The following MINDY3 variants were observed in gnomAD, a reference collection of about 807,000 sequenced individuals.
MINDY3 encodes MINDY lysine 48 deubiquitinase 3.
In MINDY3, 38 loss-of-function variants were observed where a neutral mutation model predicts 69.2. The observed-to-expected ratio is 0.55, with a 90% CI of 0.42 to 0.72. The LOEUF is 0.72. MINDY3 is among the 30% of genes least tolerant of loss of function. The pLI, the probability that MINDY3 is intolerant of heterozygous loss-of-function variation, is 0.00. For missense variants in MINDY3, 522 were observed against 519.0 expected, an observed-to-expected ratio of 1.01 and a Z score of -0.06; for synonymous variants, 192 against 180.1, an observed-to-expected ratio of 1.07 and a Z score of -0.53.
intron 2 of MINDY3, among the ~76,000 whole-genome samples, chr10:15,845,260 T>C (rs1833747078): frequency 6.6e-6 from 1 of 152,224 alleles, no homozygotes; most frequent in South Asian, 2.1e-4. Flanking sequence ...AGTTCCTTCT[T>C]TATTCCTGGT....
chr10:15,818,409 A>G (rs1214718557), intron 9 of MINDY3, among the ~76,000 whole-genome samples: 1 of 152,162 alleles, frequency 6.6e-6, no homozygotes, highest in African/African-American at 2.4e-5. Context: ...AATATATTGA[A>G]TGCATAAATA....
chr10:15,813,879 A>T (rs1194227410), intron 10 of MINDY3, among the ~76,000 whole-genome samples: 2 of 147,470 alleles, frequency 1.4e-5, no homozygotes, highest in Non-Finnish European at 2.9e-5. Context: ...TCAGTTTTAT[A>T]AAAAAAGACA....
At chr10:15,857,086 T>C (rs888789076) in intron 1 of MINDY3, among the ~76,000 whole-genome samples, 8 of 152,226 alleles carry the variant, frequency 5.3e-5, no homozygotes, top group African/African-American at 1.9e-4. Flanking sequence ...TCTAATGGCC[T>C]AGAAAGCTTT....
At chr10:15,845,872 G>C (rs1564525619) in intron 2 of MINDY3, among the ~76,000 whole-genome samples, 1 of 126,112 alleles carries the variant, frequency 7.9e-6, no homozygotes, top group Non-Finnish European at 1.6e-5. Flanking sequence ...ACCCGAGCTA[G>C]AGTGCAGTGG....
intron 10 of MINDY3, among the ~76,000 whole-genome samples, chr10:15,813,603 A>G (rs1007951393): frequency 2.0e-5 from 3 of 152,102 alleles, no homozygotes; most frequent in African/African-American, 4.8e-5. Flanking sequence ...TTTGCTCACC[A>G]CTGTATTCAC....
chr10:15,822,923 T>A (rs562800330), intron 8 of MINDY3, among the ~76,000 whole-genome samples: 1 of 152,204 alleles, frequency 6.6e-6, no homozygotes, highest in Admixed American at 6.5e-5. Flanking sequence ...ATAATATATC[T>A]AAAAAGCATT....
chr10:15,814,106 T>A (rs1421445844), intron 10 of MINDY3, among the ~76,000 whole-genome samples: 1 of 152,076 alleles, frequency 6.6e-6, no homozygotes, highest in African/African-American at 2.4e-5. Flanking sequence ...AGAGCGAAAT[T>A]TCCAGTATTT....
In MINDY3 at chr10:15,821,823, A is replaced by G. The variant is rs1280857607; in HGVS notation, c.731-97T>C. On this transcript the variant is annotated intron_variant, in intron 8 of 14. Transcript: ENST00000277632. The stretch of plus-strand genomic sequence containing the variant: ...ACTTATATGTATATATATTTATACT[A>G]CACCAAAACTTTTAACTTTTACCCA... 3.0e-5 allele frequency: 27 copies of G among 913,508 alleles called. No individual in the cohort carries two copies. The South Asian group carries it at 3.5e-4, about 12-fold the overall frequency. The allele number at this position is 913,508 out of a possible 1,614,324, so 56.6% of individuals were successfully genotyped here. A position where few individuals can be genotyped will look rare whatever the true frequency, so the allele number is the denominator to read the frequency against.
chr10:15,816,282 G>GAAAAAAAAAAAAAAAAAAAAAAA (rs1421619763), intron 10 of MINDY3, among the ~76,000 whole-genome samples: 5 of 108,492 alleles, frequency 4.6e-5, no homozygotes, highest in African/African-American at 1.9e-4. Flanking sequence ...AAAAAAAAAT[G>GAAAAAAAAAAAAAAAAAAAAAAA]AAAAAGAAAA....
chr10:15,792,089 C>T (rs1837465487), intron 11 of MINDY3, among the ~76,000 whole-genome samples: 1 of 150,782 alleles, frequency 6.6e-6, no homozygotes, highest in African/African-American at 2.5e-5. Flanking sequence ...GAGAGGGAGA[C>T]TACAGTTTCT....
intron 4 of MINDY3, among the ~76,000 whole-genome samples, chr10:15,839,625 G>A (rs991436941): frequency 1.3e-5 from 2 of 151,422 alleles, no homozygotes; most frequent in Admixed American, 1.3e-4. Flanking sequence ...TAGCAGGCAG[G>A]GATGGTGAAA....
At chr10:15,842,384 AAGTGAATAT>A (rs1265403453) in intron 3 of MINDY3, among the ~76,000 whole-genome samples, 5 of 151,876 alleles carry the variant, frequency 3.3e-5, no homozygotes, top group South Asian at 4.1e-4. Flanking sequence ...TGTTTTATCA[AAGTGAATAT>A]AGTGAATATA....
rs776558569 is a variant in MINDY3, at chr10:15,821,729, G to A, written c.731-3C>T. 1.2e-6 allele frequency: 2 copies of A among 1,608,370 alleles called. No homozygotes were observed. Among genetic ancestry groups the A allele is most frequent in the South Asian group, 1.1e-5 (1 of 89,982 alleles). The stretch of plus-strand genomic sequence containing the variant: ...TTGTTCATGTATACCAAGAAGTTCT[G>A]CAAAAAACAACAACAACAACAAAAA... On this transcript the variant is annotated splice_region_variant and splice_polypyrimidine_tract_variant and intron_variant, in intron 8 of 14. Transcript: ENST00000277632.
intron 4 of MINDY3, 61 bp from the exon 5 acceptor site, chr10:15,838,340 C>A: frequency 1.4e-6 from 2 of 1,419,104 alleles, no homozygotes; most frequent in Non-Finnish European, 1.9e-6. Flanking sequence ...AAGATACACA[C>A]AGCAGGCTGT....
At chr10:15,856,176 G>A (rs1035478042) in intron 1 of MINDY3, among the ~76,000 whole-genome samples, 1 of 151,846 alleles carries the variant, frequency 6.6e-6, no homozygotes, top group African/African-American at 2.4e-5. Context: ...TTATTACTTT[G>A]ATAAAATAGT....
chr10:15,792,575 A>G (rs1212069321), intron 11 of MINDY3, among the ~76,000 whole-genome samples: 5 of 152,034 alleles, frequency 3.3e-5, no homozygotes, highest in African/African-American at 4.8e-5. Context: ...ATTCTAGAGA[A>G]TGCCTAGGGA....
intron 8 of MINDY3, among the ~76,000 whole-genome samples, chr10:15,827,299 T>G (rs918607674): frequency 6.6e-6 from 1 of 151,864 alleles, no homozygotes; most frequent in African/African-American, 2.4e-5. Context: ...CTCAGCACTT[T>G]GGAAGGCCGA....
chr10:15,831,881 G>C (rs1840490895), intron 8 of MINDY3, among the ~76,000 whole-genome samples: 1 of 151,974 alleles, frequency 6.6e-6, no homozygotes, highest in South Asian at 2.1e-4. Flanking sequence ...TCACTGTGTT[G>C]GCCAGGCTGG....
intron 1 of MINDY3, among the ~76,000 whole-genome samples, chr10:15,852,365 A>T (rs1287926781): frequency 2.0e-5 from 3 of 152,196 alleles, no homozygotes; most frequent in Admixed American, 2.0e-4. Flanking sequence ...CAACTTTTAG[A>T]AATCGGAGAT....
Sources: allele counts gnomAD v4.1 joint callset (sites outside exome capture counted in the v4.1 genomes callset), GRCh38; gene constraint gnomAD v4.1.1; transcripts MANE v1.5; gene names NCBI Gene and HGNC (gene_info 2026-07-23, HGNC 2026-07-21).